Variants in TBC1D5 observed in about 807,000 individuals in gnomAD.
The protein encoded by TBC1D5 is TBC1 domain family, member 5.
TBC1D5 carries 75 observed loss-of-function variants against 100.3 expected under a neutral mutation model. The ratio of observed to expected loss-of-function variants is 0.75; its 90% CI spans 0.62 to 0.91. TBC1D5 has a LOEUF of 0.91. TBC1D5 is among the 40% of genes least tolerant of loss of function. The pLI, the probability that TBC1D5 is intolerant of heterozygous loss-of-function variation, is 0.00. For synonymous variants in TBC1D5, 323 were observed against 325.6 expected, an observed-to-expected ratio of 0.99 and a Z score of 0.09; for missense variants, 910 against 942.4, an observed-to-expected ratio of 0.97 and a Z score of 0.45.
chr3:17,639,104 C>T (rs1448848059), intron 1 of TBC1D5, among the ~76,000 whole-genome samples: 1 of 152,062 alleles, frequency 6.6e-6, no homozygotes, highest in Non-Finnish European at 1.5e-5. Context: ...CCAAAAACTG[C>T]AAACAACATA....
At chr3:17,329,035 A>G (rs1258599363) in intron 13 of TBC1D5, among the ~76,000 whole-genome samples, 2 of 152,238 alleles carry the variant, frequency 1.3e-5, no homozygotes, top group East Asian at 1.9e-4. Flanking sequence ...TCCTGACTCT[A>G]CAAGTTTGCC....
chr3:17,551,091 A>AAC (rs2096468710), intron 2 of TBC1D5, among the ~76,000 whole-genome samples: 1 of 152,092 alleles, frequency 6.6e-6, no homozygotes, highest in Non-Finnish European at 1.5e-5. Context: ...TAAGTGCATA[A>AAC]ACATGCACTC....
intron 3 of TBC1D5, among the ~76,000 whole-genome samples, chr3:17,436,647 T>C (rs1486157292): frequency 2.0e-5 from 3 of 152,172 alleles, no homozygotes; most frequent in African/African-American, 7.2e-5. Flanking sequence ...ATGCAGGATA[T>C]AGTAAATTTA....
chr3:17,353,862 A>G (rs1286308546), intron 13 of TBC1D5, among the ~76,000 whole-genome samples: 1 of 152,070 alleles, frequency 6.6e-6, no homozygotes, highest in Non-Finnish European at 1.5e-5. Flanking sequence ...AGCTCCCCCA[A>G]GAGTAATTAA....
chr3:17,344,767 T>G (rs1315941625), intron 13 of TBC1D5, among the ~76,000 whole-genome samples: 1 of 151,972 alleles, frequency 6.6e-6, no homozygotes, highest in African/African-American at 2.4e-5. Context: ...ACGCCACATA[T>G]CTACAACTAT....
chr3:17,204,683 G>A (rs1486166005), intron 18 of TBC1D5, among the ~76,000 whole-genome samples: 1 of 152,154 alleles, frequency 6.6e-6, no homozygotes, highest in Non-Finnish European at 1.5e-5. Context: ...GGACATTGCA[G>A]CACTCTATTT....
At chr3:17,470,047 C>A (rs949697421) in intron 3 of TBC1D5, among the ~76,000 whole-genome samples, 99 of 152,306 alleles carry the variant, frequency 6.5e-4, no homozygotes, top group African/African-American at 2.2e-3. Flanking sequence ...TCCCTACACT[C>A]CTACACTGCG....
chr3:17,324,557 T>G (rs990524808), intron 13 of TBC1D5, among the ~76,000 whole-genome samples: 14 of 152,148 alleles, frequency 9.2e-5, no homozygotes, highest in African/African-American at 3.1e-4. Context: ...GGCAGAAGAA[T>G]TGCTTGAACC....
At chr3:17,719,616 A>G (rs978207449) in intron 1 of TBC1D5, among the ~76,000 whole-genome samples, 2 of 152,216 alleles carry the variant, frequency 1.3e-5, no homozygotes, top group African/African-American at 2.4e-5. Context: ...AGTAACTGCT[A>G]TTCCTATGAG....
chr3:17,220,223 T>C (rs921351170), intron 17 of TBC1D5, among the ~76,000 whole-genome samples: 1 of 152,170 alleles, frequency 6.6e-6, no homozygotes, highest in Non-Finnish European at 1.5e-5. Context: ...TAAATTTAGA[T>C]AAATAATTCC....
chr3:17,685,075 T>C (rs1009997087), intron 1 of TBC1D5, among the ~76,000 whole-genome samples: 3 of 152,074 alleles, frequency 2.0e-5, no homozygotes, highest in Admixed American at 6.5e-5. Flanking sequence ...AATGATAGGC[T>C]ATATCATTAA....
At chr3:17,632,262 T>C (rs2063560111) in intron 1 of TBC1D5, among the ~76,000 whole-genome samples, 1 of 152,120 alleles carries the variant, frequency 6.6e-6, no homozygotes, top group African/African-American at 2.4e-5. Flanking sequence ...GAATTAGAAG[T>C]GGAACCTGAA....
chr3:17,449,285 G>A (rs189883552), intron 3 of TBC1D5, among the ~76,000 whole-genome samples: 24 of 152,294 alleles, frequency 1.6e-4, no homozygotes, highest in South Asian at 1.0e-3. Context: ...CCAGGGCCCC[G>A]GGTTTCAAGC....
At chr3:17,382,009 T>C (rs931379797) in intron 9 of TBC1D5, among the ~76,000 whole-genome samples, 10 of 152,068 alleles carry the variant, frequency 6.6e-5, no homozygotes, top group African/African-American at 2.2e-4. Context: ...CACATAATAC[T>C]GTCACATTAG....
At chr3:17,315,796 T>C (rs1242392563) in intron 13 of TBC1D5, among the ~76,000 whole-genome samples, 1 of 152,118 alleles carries the variant, frequency 6.6e-6, no homozygotes, top group Non-Finnish European at 1.5e-5. Context: ...TTACCTGTGT[T>C]TGGAAGATAA....
chr3:17,314,238 G>T (rs2084392180), intron 13 of TBC1D5, among the ~76,000 whole-genome samples: 1 of 152,142 alleles, frequency 6.6e-6, no homozygotes. Flanking sequence ...AGAGTAGGGG[G>T]TTAAAAATGT....
chr3:17,334,714 C>T (rs2087417838), intron 13 of TBC1D5, among the ~76,000 whole-genome samples: 1 of 152,154 alleles, frequency 6.6e-6, no homozygotes, highest in African/African-American at 2.4e-5. Context: ...TCTTTCACTT[C>T]AAGACCTAGT....
intron 18 of TBC1D5, among the ~76,000 whole-genome samples, chr3:17,190,988 G>A (rs1055474816): frequency 2.0e-5 from 3 of 152,312 alleles, no homozygotes; most frequent in Non-Finnish European, 2.9e-5. Flanking sequence ...AAGCTGTGGT[G>A]TACACAAGGG....
chr3:17,701,313 C>T (rs571656041), intron 1 of TBC1D5, among the ~76,000 whole-genome samples: 1 of 152,124 alleles, frequency 6.6e-6, no homozygotes, highest in East Asian at 1.9e-4. Flanking sequence ...ACATCACACA[C>T]TGGGGCCTGT....
Sources: allele counts gnomAD v4.1 joint callset (sites outside exome capture counted in the v4.1 genomes callset), GRCh38; gene constraint gnomAD v4.1.1; transcripts MANE v1.5; gene names NCBI Gene and HGNC (gene_info 2026-07-23, HGNC 2026-07-21).